PPM1E: variants seen among roughly 807,000 people sequenced by gnomAD.
PPM1E encodes protein phosphatase, Mg2+/Mn2+ dependent 1E.
Under a neutral mutation model 65.9 loss-of-function variants are expected in PPM1E, and 20 were observed. That is an observed-to-expected ratio of 0.30 (90% confidence interval 0.21 to 0.44). The LOEUF (loss-of-function observed/expected upper bound fraction) is 0.44. Among genes scored for constraint, PPM1E ranks in the 20% least tolerant of loss-of-function variants. PPM1E has a pLI of 1.00. For synonymous variants in PPM1E, 352 were observed against 374.9 expected (o/e 0.94, Z 0.70); for missense variants, 713 against 953.1 (o/e 0.75, Z 3.32).
At chr17:58,821,257 C>T (rs900726619) in intron 1 of PPM1E, among the ~76,000 whole-genome samples, 3 of 152,054 alleles carry the variant, frequency 2.0e-5, no homozygotes, top group Non-Finnish European at 1.5e-5. Context: ...ACTACAGGCG[C>T]CCGCCAACAC....
At chr17:58,890,054 A>G (rs2051326615) in intron 1 of PPM1E, among the ~76,000 whole-genome samples, 1 of 152,236 alleles carries the variant, frequency 6.6e-6, no homozygotes, top group Admixed American at 6.5e-5. Flanking sequence ...AAGTTACCAC[A>G]AACACTGAAT....
At chr17:58,966,889 T>C (rs1371778253) in intron 3 of PPM1E, among the ~76,000 whole-genome samples, 1 of 152,232 alleles carries the variant, frequency 6.6e-6, no homozygotes, top group Admixed American at 6.5e-5. Flanking sequence ...GATGGCAGGT[T>C]GGTAATTGGT....
At chr17:58,974,011 C>T (rs2030835185) in intron 6 of PPM1E, among the ~76,000 whole-genome samples, 1 of 149,234 alleles carries the variant, frequency 6.7e-6, no homozygotes, top group South Asian at 2.1e-4. Context: ...TGCCTGTAGT[C>T]CTAGTACACA....
At chr17:58,852,586 G>A (rs1567853757) in intron 1 of PPM1E, among the ~76,000 whole-genome samples, 1 of 148,908 alleles carries the variant, frequency 6.7e-6, no homozygotes, top group Non-Finnish European at 1.5e-5. Context: ...GACCATTTAT[G>A]TATCTTCTTT....
chr17:58,773,578 G>A (rs918189083), intron 1 of PPM1E, among the ~76,000 whole-genome samples: 2 of 152,064 alleles, frequency 1.3e-5, no homozygotes, highest in Admixed American at 1.3e-4. Context: ...TCATTTATAT[G>A]CATTTCTTAT....
At chr17:58,819,345 C>A (rs1386512346) in intron 1 of PPM1E, among the ~76,000 whole-genome samples, 1 of 152,100 alleles carries the variant, frequency 6.6e-6, no homozygotes, top group Non-Finnish European at 1.5e-5. Context: ...CACGGGGTTT[C>A]GCCATGTAGG....
At chr17:58,920,047 T>A (rs1343517937) in intron 1 of PPM1E, among the ~76,000 whole-genome samples, 2 of 152,104 alleles carry the variant, frequency 1.3e-5, no homozygotes, top group African/African-American at 4.8e-5. Context: ...TCTATAAAAG[T>A]GGTAACAGGT....
rs200537682 is a variant in PPM1E at position 58,980,441 on chromosome 17, C to A, written c.1678C>A (p.Gln560Lys). The change falls in exon 7 of 7, where the codon CAA becomes AAA. Residue 560 changes from glutamine to lysine, a missense_variant. This residue lies in a region of PPM1E where 286 missense variants were observed against 313.8 expected (regional missense o/e 0.91). Coordinates refer to ENST00000308249, the MANE Select transcript of PPM1E (RefSeq NM_014906.5). The surrounding 1 kb of genome is among the most constrained non-coding windows in gnomAD (Gnocchi z 4.7). ...TDRTSLSPGS[Q>K]INVLEDPGYL... The stretch of plus-strand genomic sequence containing the variant: ...TAGAACTAGCCTGAGCCCAGGGTCC[C>A]AAATCAACGTGCTGGAAGACCCAGG... The A allele has an allele frequency of 1.1e-4, 181 of 1,614,062 alleles. 5 individuals carry two copies. The South Asian group carries it at 2.0e-3, about 17-fold the overall frequency.
intron 5 of PPM1E, among the ~76,000 whole-genome samples, 188 bp from the exon 6 acceptor site, chr17:58,972,644 C>T (rs1159277030): frequency 6.6e-6 from 1 of 152,226 alleles, no homozygotes; most frequent in Non-Finnish European, 1.5e-5. Flanking sequence ...AGCCACCGCG[C>T]CCGGCCAGGA....
At position 58,919,806 on chromosome 17, in the gene PPM1E, A is replaced by AG. The variant is rs140246172; in HGVS notation, c.465-35843_465-35842insG. The stretch of plus-strand genomic sequence containing the variant: ...CTGTCTCAAAAGAAAAAAGGAAAAA[A>AG]AAAGATAGAGAGTTCTTTCTCCCAG... On this transcript the variant is annotated intron_variant, in intron 1 of 6. Coordinates refer to ENST00000308249, the MANE Select transcript of PPM1E (RefSeq NM_014906.5). Among the ~76,000 whole-genome samples, 432 of 152,284 alleles carry AG rather than the reference A, an allele frequency of 2.8e-3. 2 individuals carry two copies. Among genetic ancestry groups the AG allele is most frequent in the African/African-American group, 0.01 (419 of 41,566 alleles).
chr17:58,806,802 C>G (rs527282496), intron 1 of PPM1E, among the ~76,000 whole-genome samples: 6 of 149,592 alleles, frequency 4.0e-5, no homozygotes, highest in African/African-American at 1.5e-4. Context: ...TGGGTTCAAG[C>G]GATTCTCCTG....
In PPM1E at chr17:58,932,315, A is replaced by G. The variant is rs556331815; in HGVS notation, c.465-23334A>G. ...GAAACCTCGTCTCTACTAAAAATAC[A>G]AAAATTAGCCGGGGATGGTGGTGCA... On this transcript the variant is annotated intron_variant, in intron 1 of 6. Transcript: ENST00000308249. Among the ~76,000 whole-genome samples, 9 of 152,200 alleles carry G rather than the reference A, an allele frequency of 5.9e-5. No homozygotes were observed. In the East Asian group the frequency reaches 1.7e-3, roughly 29 times the overall value.
At chr17:58,964,557 G>C (rs931400737) in intron 2 of PPM1E, among the ~76,000 whole-genome samples, 1 of 152,106 alleles carries the variant, frequency 6.6e-6, no homozygotes, top group African/African-American at 2.4e-5. Context: ...TGAAGCGGTA[G>C]GTTTAGGGTC....
intron 4 of PPM1E, 106 bp downstream of exon 4, chr17:58,969,833 A>T (rs2030480278): frequency 9.5e-7 from 1 of 1,053,992 alleles, no homozygotes; most frequent in African/African-American, 1.6e-5. Context: ...GGCAGACATT[A>T]TCCAAACTGT....
chr17:58,856,668 A>G (rs115995809), intron 1 of PPM1E, among the ~76,000 whole-genome samples: 1,633 of 152,308 alleles, frequency 0.011, 30 homozygotes, highest in African/African-American at 0.037. Context: ...TGGTCTCATT[A>G]TAAGAAGAAA....
chr17:58,934,336 A>G (rs2051947205), intron 1 of PPM1E, among the ~76,000 whole-genome samples: 1 of 152,194 alleles, frequency 6.6e-6, no homozygotes, highest in Non-Finnish European at 1.5e-5. Context: ...TATTTACTGA[A>G]GCATTATTTA....
intron 1 of PPM1E, among the ~76,000 whole-genome samples, chr17:58,839,846 G>A (rs1046404468): frequency 5.9e-5 from 9 of 152,140 alleles, no homozygotes; most frequent in African/African-American, 1.9e-4. Flanking sequence ...TTAGATAGTT[G>A]CTTGTGGAAA....
chr17:58,985,073 T>G lies in PPM1E; in HGVS notation c.*4042T>G, dbSNP rs1463273980. 2 of 152,684 alleles carry G rather than the reference T, an allele frequency of 1.3e-5. No individual in the cohort carries two copies. The highest frequency in any genetic ancestry group is 4.8e-5 in the African/African-American group (2 of 41,470). The allele number at this position is 152,684 out of a possible 1,614,324, so 9.5% of individuals were successfully genotyped here. On this transcript the variant is annotated 3_prime_UTR_variant, in exon 7 of 7. Coordinates refer to ENST00000308249, the MANE Select transcript of PPM1E (RefSeq NM_014906.5). ...TCTACATCTCACTTTTGAGTTCAGT[T>G]GTAGTCATGAGTGATCCTTCATATT... is the stretch of plus-strand genomic sequence containing the variant.
intron 1 of PPM1E, among the ~76,000 whole-genome samples, chr17:58,851,633 C>T (rs375801900): frequency 6.6e-6 from 1 of 152,194 alleles, no homozygotes; most frequent in African/African-American, 2.4e-5. Flanking sequence ...CCTGATCCTT[C>T]CTCTGGAAGT....
Sources: allele counts gnomAD v4.1 joint callset (sites outside exome capture counted in the v4.1 genomes callset), GRCh38; gene constraint gnomAD v4.1.1; regional missense constraint gnomAD v4.1.1; non-coding constraint Gnocchi (gnomAD v3.1); transcripts MANE v1.5; gene names NCBI Gene and HGNC (gene_info 2026-07-23, HGNC 2026-07-21).